Variants in CMIP observed in about 807,000 individuals in gnomAD.
The protein encoded by CMIP is C-Maf-inducing protein.
Under a neutral mutation model 97.3 loss-of-function variants are expected in CMIP, and 13 were observed. The observed-to-expected ratio is 0.13, with a 90% CI of 0.09 to 0.21. The LOEUF is 0.21. Ranked by LOEUF, CMIP falls within the 10% of genes least tolerant of loss-of-function variation. The probability of loss-of-function intolerance (pLI) is 1.00; values close to 1 mark genes in which losing one functional copy is unlikely to be tolerated. For synonymous variants in CMIP, 538 were observed against 436.3 expected (o/e 1.23, Z -2.91); for missense variants, 847 against 1,024.9 (o/e 0.83, Z 2.37).
At chr16:81,508,528 A>G (rs2089752139) in intron 1 of CMIP, among the ~76,000 whole-genome samples, 1 of 152,206 alleles carries the variant, frequency 6.6e-6, no homozygotes, top group South Asian at 2.1e-4. Flanking sequence ...CTGTTTTTGC[A>G]GCCTTTTACT....
chr16:81,567,964 G>T (rs1463676353), intron 1 of CMIP, among the ~76,000 whole-genome samples: 1 of 151,408 alleles, frequency 6.6e-6, no homozygotes, highest in East Asian at 1.9e-4. Context: ...AGGCCAGAAG[G>T]CCTCAGTATC....
At chr16:81,626,435 G>A (rs889966105) in intron 3 of CMIP, among the ~76,000 whole-genome samples, 1 of 142,334 alleles carries the variant, frequency 7.0e-6, no homozygotes. Flanking sequence ...TGGGGTGTGG[G>A]ATGACTATCT....
chr16:81,546,598 C>T (rs931061853), intron 1 of CMIP, among the ~76,000 whole-genome samples: 6 of 152,204 alleles, frequency 3.9e-5, no homozygotes, highest in African/African-American at 1.4e-4. Context: ...TGAGCGAACA[C>T]AGTTGTGTGT....
At chr16:81,555,506 A>C (rs1197680218) in intron 1 of CMIP, among the ~76,000 whole-genome samples, 1 of 152,200 alleles carries the variant, frequency 6.6e-6, no homozygotes. Context: ...CAGTGTGCAC[A>C]ACAAAAGGGT....
chr16:81,550,150 C>G (rs1224400832), intron 1 of CMIP, among the ~76,000 whole-genome samples: 1 of 152,236 alleles, frequency 6.6e-6, no homozygotes, highest in African/African-American at 2.4e-5. Flanking sequence ...CGGTAGCACT[C>G]CTTCTTTCCT....
At chr16:81,460,960 A>C (rs1906863782) in intron 1 of CMIP, among the ~76,000 whole-genome samples, 1 of 152,178 alleles carries the variant, frequency 6.6e-6, no homozygotes, top group Admixed American at 6.5e-5. Context: ...TTTTTCAATG[A>C]TGAAGGAAAC....
intron 17 of CMIP, 61 bp downstream of exon 17, chr16:81,702,730 G>A: frequency 1.4e-6 from 2 of 1,463,518 alleles, no homozygotes; most frequent in Non-Finnish European, 9.5e-7. Context: ...CTCTCTGTTG[G>A]GGAACGGCAG....
intron 1 of CMIP, among the ~76,000 whole-genome samples, chr16:81,573,585 C>A (rs1317746971): frequency 1.3e-5 from 2 of 151,870 alleles, no homozygotes; most frequent in African/African-American, 2.4e-5. Context: ...AAAATAAGTA[C>A]AATATATCTG....
Position 81,460,498 on chromosome 16 carries a change from G to A in CMIP, c.300+14957G>A, listed in dbSNP as rs561166386. On this transcript the variant is annotated intron_variant, in intron 1 of 20. Transcript: ENST00000537098. ...TTGCCCAGGACTGTCCCAGGTTTTTGCAGTGAAAGTCCTGTGGCCCAGGAA... is the reference window on the plus strand; with the variant it reads ...TTGCCCAGGACTGTCCCAGGTTTTTACAGTGAAAGTCCTGTGGCCCAGGAA... Among the ~76,000 whole-genome samples, 5 of 152,316 alleles carry A rather than the reference G, an allele frequency of 3.3e-5. No homozygotes were observed. In the East Asian group the frequency reaches 9.6e-4, roughly 29 times the overall value.
chr16:81,537,666 G>A (rs1482745301), intron 1 of CMIP, among the ~76,000 whole-genome samples: 1 of 151,660 alleles, frequency 6.6e-6, no homozygotes, highest in African/African-American at 2.4e-5. Flanking sequence ...AGGAGTTCGA[G>A]ACCAGCCTGG....
At chr16:81,475,170 C>T (rs1907823300) in intron 1 of CMIP, among the ~76,000 whole-genome samples, 1 of 152,144 alleles carries the variant, frequency 6.6e-6, no homozygotes, top group South Asian at 2.1e-4. Context: ...CCTCCTGTCT[C>T]TTTCTCTCTC....
intron 9 of CMIP, among the ~76,000 whole-genome samples, chr16:81,672,462 C>T (rs1310751115): frequency 1.3e-5 from 2 of 152,324 alleles, no homozygotes; most frequent in East Asian, 3.9e-4. Context: ...CGTGTGTGCA[C>T]ATGGAGGTGT....
intron 6 of CMIP, 64 bp from the exon 7 acceptor site, chr16:81,664,205 C>T: frequency 1.4e-6 from 2 of 1,476,382 alleles, no homozygotes; most frequent in Non-Finnish European, 1.8e-6. Context: ...GCCCTGCTAG[C>T]AGCCACGGGC....
intron 1 of CMIP, chr16:81,495,607 TG>T (rs1284013101): frequency 7.2e-5 from 81 of 1,117,940 alleles, no homozygotes; most frequent in Admixed American, 1.4e-4. Context: ...TCTCAGAGGG[TG>T]GGCAGGTGTG....
intron 7 of CMIP, chr16:81,664,770 C>T (rs1223478128): frequency 2.8e-6 from 1 of 353,054 alleles, no homozygotes; most frequent in Non-Finnish European, 5.1e-6. Flanking sequence ...AAACCAGACA[C>T]ACTCAGCCTC....
rs923475599 is a variant in CMIP at position 81,532,999 on chromosome 16, C to T, written c.301-74568C>T. On this transcript the variant is annotated intron_variant, in intron 1 of 20. Transcript: ENST00000537098. ...CTGGGATGCCTGTTGTCTAAACACCCACACCACACGCTCCCTCGCTTCCCT... is the reference window on the plus strand; with the variant it reads ...CTGGGATGCCTGTTGTCTAAACACCTACACCACACGCTCCCTCGCTTCCCT... Among the ~76,000 whole-genome samples the T allele has an allele frequency of 8.5e-5, 13 of 152,160 alleles. 1 individual carries two copies. The East Asian group carries it at 1.2e-3, about 14-fold the overall frequency.
At chr16:81,449,480 T>C (rs1272992061) in intron 1 of CMIP, among the ~76,000 whole-genome samples, 1 of 152,238 alleles carries the variant, frequency 6.6e-6, no homozygotes, top group African/African-American at 2.4e-5. Context: ...TCCACATGGC[T>C]TGGTTTCTAC....
chr16:81,459,367 T>TGTGACCCCGTGCC (rs1485080833), intron 1 of CMIP, among the ~76,000 whole-genome samples: 28 of 152,198 alleles, frequency 1.8e-4, no homozygotes, highest in African/African-American at 6.7e-4. Context: ...GACCCTGCGC[T>TGTGACCCCGTGCC]GTGACCCCGT....
chr16:81,472,080 ACACT>A (rs778919832), intron 1 of CMIP, among the ~76,000 whole-genome samples: 358 of 152,318 alleles, frequency 2.4e-3, no homozygotes, highest in African/African-American at 6.7e-3. Context: ...GTGTACACAC[ACACT>A]CACGCACATG....
Sources: allele counts gnomAD v4.1 joint callset (sites outside exome capture counted in the v4.1 genomes callset), GRCh38; gene constraint gnomAD v4.1.1; transcripts MANE v1.5; gene names NCBI Gene and HGNC (gene_info 2026-07-23, HGNC 2026-07-21).